Variants in TOX3 observed in about 807,000 individuals in gnomAD.
TOX3 encodes the protein TOX high mobility group box family member 3.
Under a neutral mutation model 64.3 loss-of-function variants are expected in TOX3, and 22 were observed. The ratio of observed to expected loss-of-function variants is 0.34; its 90% CI spans 0.24 to 0.49. The LOEUF (loss-of-function observed/expected upper bound fraction) is 0.49. TOX3 is among the 20% of genes least tolerant of loss of function. The pLI is 0.99. For missense variants in TOX3, 661 were observed against 714.4 expected (o/e 0.93, Z 0.85); for synonymous variants, 291 against 273.6 (o/e 1.06, Z -0.63).
At chr16:52,500,666 T>C (rs1961977182) in intron 1 of TOX3, among the ~76,000 whole-genome samples, 1 of 152,244 alleles carries the variant, frequency 6.6e-6, no homozygotes, top group Non-Finnish European at 1.5e-5. Context: ...TAACATTTAT[T>C]AAACACCATC....
Position 52,439,417 on chromosome 16 carries a change from G to A in TOX3, c.1539C>T (p.Arg513=). The A allele has an allele frequency of 1.3e-6, 2 of 1,559,752 alleles. No individual in the cohort carries two copies. The highest frequency in any genetic ancestry group is 1.7e-6 in the Non-Finnish European group (2 of 1,145,840). ...QQQLQQQLQQ[R]LQLQQLQHMQ... ...TGTGTTGCAGCTGCTGCAGCTGGAG[G>A]CGCTGCTGCAGCTGCTGCTGCAGCT... Residue 513 remains arginine (R), a synonymous_variant, in exon 7 of 7, where the codon CGC becomes CGT. Coordinates refer to ENST00000219746, the MANE Select transcript of TOX3 (RefSeq NM_001080430.4).
At chr16:52,471,031 G>A (rs79803048) in intron 1 of TOX3, among the ~76,000 whole-genome samples, 8 of 152,108 alleles carry the variant, frequency 5.3e-5, no homozygotes, top group Non-Finnish European at 1.0e-4. Context: ...AGGTACCTGG[G>A]ACCCTAGTTC....
intron 1 of TOX3, among the ~76,000 whole-genome samples, chr16:52,494,495 C>T (rs1042655301): frequency 2.0e-5 from 3 of 152,202 alleles, no homozygotes; most frequent in Non-Finnish European, 2.9e-5. Flanking sequence ...TATGTGTTAA[C>T]AGCTGTTACG....
chr16:52,489,341 TC>T (rs1227370852), intron 1 of TOX3, among the ~76,000 whole-genome samples: 1 of 152,110 alleles, frequency 6.6e-6, no homozygotes, highest in Non-Finnish European at 1.5e-5. Context: ...TTGTGATCTG[TC>T]CCCCTTCACC....
At chr16:52,543,948 G>A (rs141420617) in intron 1 of TOX3, among the ~76,000 whole-genome samples, 290 of 152,198 alleles carry the variant, frequency 1.9e-3, no homozygotes, top group South Asian at 5.6e-3. Context: ...TATTATTCAC[G>A]GTTTGTAAAT....
At chr16:52,468,628 G>A (rs1960939048) in intron 1 of TOX3, 54 bp from the exon 2 acceptor site, 1 of 1,398,942 alleles carries the variant, frequency 7.1e-7, no homozygotes, top group African/African-American at 1.4e-5. Flanking sequence ...AAGCATTCTG[G>A]CTGTGATTTG....
intron 1 of TOX3, among the ~76,000 whole-genome samples, chr16:52,529,473 C>T (rs1962802093): frequency 6.6e-6 from 1 of 152,038 alleles, no homozygotes; most frequent in Non-Finnish European, 1.5e-5. Context: ...TCATAGCCTG[C>T]CTTTCTCTAC....
At chr16:52,485,430 T>A (rs1027380079) in intron 1 of TOX3, among the ~76,000 whole-genome samples, 6 of 151,594 alleles carry the variant, frequency 4.0e-5, no homozygotes, top group African/African-American at 1.5e-4. Flanking sequence ...GAGAGCTAAA[T>A]AATGGGTACA....
chr16:52,502,969 A>G (rs555994458), intron 1 of TOX3, among the ~76,000 whole-genome samples: 30 of 152,312 alleles, frequency 2.0e-4, no homozygotes, highest in African/African-American at 6.7e-4. Context: ...CCCTGTTGCA[A>G]CTACACGAAA....
At chr16:52,493,158 C>A (rs145744357) in intron 1 of TOX3, among the ~76,000 whole-genome samples, 2 of 152,074 alleles carry the variant, frequency 1.3e-5, no homozygotes, top group Non-Finnish European at 2.9e-5. Context: ...ACTGGGGCAA[C>A]GGGAACAGGA....
Position 52,527,936 on chromosome 16 carries a change from G to A in TOX3, c.87+18701C>T, listed in dbSNP as rs77140651. 7.3e-3 allele frequency among the ~76,000 whole-genome samples: 1,113 copies of A among 152,282 alleles called. 14 individuals carry two copies. Among genetic ancestry groups the A allele is most frequent in the African/African-American group, 0.026 (1,069 of 41,556 alleles). On this transcript the variant is annotated intron_variant, in intron 1 of 6. Transcript: ENST00000219746. ...ACTGGGGGTGCTGCTGGCATCTAGT[G>A]GGTAGAGGCCAGGGATGCTGCTAAA...
At chr16:52,519,652 TACCAA>T in intron 1 of TOX3, 1 of 1,346,376 alleles carries the variant, frequency 7.4e-7, no homozygotes. Context: ...CATCACTTCT[TACCAA>T]GCAAGAAGTA....
intron 1 of TOX3, among the ~76,000 whole-genome samples, chr16:52,542,542 G>T (rs537089139): frequency 6.6e-6 from 1 of 152,070 alleles, no homozygotes; most frequent in African/African-American, 2.4e-5. Flanking sequence ...CCAAATGTTG[G>T]CATGGCAACA....
intron 1 of TOX3, among the ~76,000 whole-genome samples, chr16:52,490,522 G>C (rs1277497246): frequency 2.0e-5 from 3 of 151,158 alleles, no homozygotes; most frequent in African/African-American, 7.3e-5. Flanking sequence ...CTCTCAAGAT[G>C]AACACTTCAC....
chr16:52,459,843 A>G (rs1960635221), intron 3 of TOX3, among the ~76,000 whole-genome samples: 1 of 152,176 alleles, frequency 6.6e-6, no homozygotes, highest in African/African-American at 2.4e-5. Context: ...AAATGGCATG[A>G]AAGTCATTTT....
chr16:52,516,821 T>C (rs1007706627), intron 1 of TOX3, among the ~76,000 whole-genome samples: 2 of 152,228 alleles, frequency 1.3e-5, no homozygotes, highest in African/African-American at 4.8e-5. Context: ...ATATTTATTA[T>C]GTGGTGGTTG....
intron 1 of TOX3, among the ~76,000 whole-genome samples, chr16:52,509,780 AAAAC>A (rs1343973692): frequency 6.6e-6 from 1 of 152,244 alleles, no homozygotes; most frequent in East Asian, 1.9e-4. Context: ...GGTATTGGTT[AAAAC>A]AAACAGGCTT....
At chr16:52,468,386 A>G (rs1038883283) in intron 2 of TOX3, 123 bp downstream of exon 2, 18 of 747,658 alleles carry the variant, frequency 2.4e-5, no homozygotes, top group African/African-American at 2.2e-4. Context: ...TTCTCCTCCA[A>G]AGTAGTTACC....
chr16:52,517,694 T>C (rs1962494545), intron 1 of TOX3, among the ~76,000 whole-genome samples: 1 of 151,990 alleles, frequency 6.6e-6, no homozygotes. Context: ...GACCAATCCA[T>C]TGGAACTATT....
Sources: gnomAD v4.1 joint callset for allele counts (sites outside exome capture counted in the v4.1 genomes callset) on GRCh38, gnomAD v4.1.1 for gene constraint, MANE v1.5 for transcripts, NCBI Gene and HGNC (gene_info 2026-07-23, HGNC 2026-07-21) for gene names.